AGBL1: variants seen among roughly 807,000 people sequenced by gnomAD.
The protein encoded by AGBL1 is AGBL carboxypeptidase 1, also known as cytosolic carboxypeptidase 4.
Under a neutral mutation model 118.9 loss-of-function variants are expected in AGBL1, and 130 were observed. The observed-to-expected ratio is 1.09, with a 90% CI of 0.95 to 1.26. The LOEUF (loss-of-function observed/expected upper bound fraction) is 1.26, where lower values mean the gene tolerates loss of function less well. AGBL1 is among the 50% of genes most tolerant of loss of function. The pLI, the probability that AGBL1 is intolerant of heterozygous loss-of-function variation, is 0.00. For synonymous variants in AGBL1, 555 were observed against 478.9 expected, an observed-to-expected ratio of 1.16 and a Z score of -2.08; for missense variants, 1,584 against 1,298.1, an observed-to-expected ratio of 1.22 and a Z score of -3.38.
At chr15:86,767,039 A>G (rs1368674572) in intron 22 of AGBL1, among the ~76,000 whole-genome samples, 1 of 152,050 alleles carries the variant, frequency 6.6e-6, no homozygotes, top group Non-Finnish European at 1.5e-5. Flanking sequence ...AATAGTAATC[A>G]TGTTTAAGAA....
intron 18 of AGBL1, among the ~76,000 whole-genome samples, chr15:86,491,931 A>G (rs916974263): frequency 2.6e-5 from 4 of 152,044 alleles, no homozygotes; most frequent in Admixed American, 6.6e-5. Flanking sequence ...ATATTTATAA[A>G]AAATGTTATT....
chr15:87,007,849 T>C (rs1022229124), intron 24 of AGBL1, among the ~76,000 whole-genome samples: 10 of 152,318 alleles, frequency 6.6e-5, no homozygotes, highest in Middle Eastern at 6.8e-3. Flanking sequence ...CTATATTAAA[T>C]AGCCTAATGT....
At chr15:86,357,106 C>T (rs975076689) in intron 17 of AGBL1, among the ~76,000 whole-genome samples, 1 of 152,086 alleles carries the variant, frequency 6.6e-6, no homozygotes, top group African/African-American at 2.4e-5. Context: ...CTAAGTAACT[C>T]AGTTGGAACA....
At chr15:86,084,543 C>T (rs539407201) in intron 1 of AGBL1, among the ~76,000 whole-genome samples, 1 of 152,270 alleles carries the variant, frequency 6.6e-6, no homozygotes, top group African/African-American at 2.4e-5. Flanking sequence ...AGGTTTTGTT[C>T]CCCTAAAGCC....
In AGBL1 at chr15:86,548,723, A is replaced by G. The variant is rs534086339; in HGVS notation, c.2817+2590A>G. Among the ~76,000 whole-genome samples, 11 of 152,022 alleles carry G rather than the reference A, an allele frequency of 7.2e-5. No individual in the cohort carries two copies. The South Asian group carries it at 2.1e-3, about 29-fold the overall frequency. ...GCCAGAAATTTACAAGGGAGACCTTAGAAATGAGAGAGCCACAGAAAAGCT... is the reference window on the plus strand; with the variant it reads ...GCCAGAAATTTACAAGGGAGACCTTGGAAATGAGAGAGCCACAGAAAAGCT... On this transcript the variant is annotated intron_variant, in intron 20 of 22. Transcript: ENST00000614907.
intron 22 of AGBL1, among the ~76,000 whole-genome samples, chr15:86,864,029 G>T (rs779876700): frequency 4.6e-5 from 7 of 152,166 alleles, no homozygotes; most frequent in Non-Finnish European, 8.8e-5. Context: ...CCACCTGCTT[G>T]TCCCCAGTGA....
chr15:86,141,967 G>T, intron 1 of AGBL1, 37 bp from the exon 2 acceptor site: 1 of 1,542,232 alleles, frequency 6.5e-7, no homozygotes, highest in Non-Finnish European at 8.8e-7. Context: ...CCTTCCTCTT[G>T]CATTCTTAAA....
chr15:86,838,941 TAAAAAA>T (rs386383698), intron 22 of AGBL1, among the ~76,000 whole-genome samples: 2 of 48,004 alleles, frequency 4.2e-5, no homozygotes, highest in South Asian at 1.7e-3. Flanking sequence ...TGAGATCCTG[TAAAAAA>T]AAAAAAAAAA....
intron 19 of AGBL1, among the ~76,000 whole-genome samples, chr15:86,542,419 T>C (rs1033267953): frequency 7.0e-6 from 1 of 143,272 alleles, no homozygotes; most frequent in African/African-American, 2.7e-5. Context: ...CAGGCTGGAG[T>C]GCAATGGCAC....
intron 21 of AGBL1, among the ~76,000 whole-genome samples, chr15:86,650,318 G>A (rs1471046303): frequency 1.3e-5 from 2 of 152,098 alleles, no homozygotes; most frequent in Non-Finnish European, 2.9e-5. Flanking sequence ...TGAAAGTGGT[G>A]TTTCAGCCAT....
chr15:86,220,604 G>A (rs1567135705), intron 5 of AGBL1, among the ~76,000 whole-genome samples: 1 of 152,182 alleles, frequency 6.6e-6, no homozygotes, highest in Admixed American at 6.5e-5. Context: ...TTCTGAAAAG[G>A]AGAGTGGACG....
intron 6 of AGBL1, among the ~76,000 whole-genome samples, chr15:86,240,019 C>A (rs8039091): frequency 0.37 from 56,903 of 151,920 alleles, 11,795 homozygotes; most frequent in African/African-American, 0.55. Context: ...TAAAAGGGAG[C>A]TTTGAGGCTA....
chr15:86,427,766 G>A (rs898087536), intron 18 of AGBL1, among the ~76,000 whole-genome samples: 8 of 152,120 alleles, frequency 5.3e-5, no homozygotes, highest in African/African-American at 1.9e-4. Context: ...CTACTTATTT[G>A]ACTTTAACAC....
At chr15:86,929,206 C>A (rs2080578666) in intron 23 of AGBL1, among the ~76,000 whole-genome samples, 1 of 152,130 alleles carries the variant, frequency 6.6e-6, no homozygotes, top group Non-Finnish European at 1.5e-5. Context: ...TTGAAACATT[C>A]TCTTAATAAG....
intron 21 of AGBL1, among the ~76,000 whole-genome samples, chr15:86,649,978 A>G (rs1487406390): frequency 1.3e-5 from 2 of 152,212 alleles, no homozygotes; most frequent in Non-Finnish European, 2.9e-5. Flanking sequence ...CATATGTCTG[A>G]CAAGCATTAA....
intron 22 of AGBL1, among the ~76,000 whole-genome samples, chr15:86,820,008 CT>C (rs1372979985): frequency 6.6e-6 from 1 of 152,168 alleles, no homozygotes; most frequent in Non-Finnish European, 1.5e-5. Context: ...ACCATCTGAT[CT>C]TTGACAAACC....
chr15:86,924,859 A>C (rs2080514748), intron 23 of AGBL1, among the ~76,000 whole-genome samples: 1 of 152,006 alleles, frequency 6.6e-6, no homozygotes, highest in African/African-American at 2.4e-5. Context: ...GTGGATCACA[A>C]AGTCAGGAGA....
rs1555449552 is a variant in AGBL1 at position 86,215,224 on chromosome 15, CGTGT to C, written c.489-9652_489-9649del. ...GTGTGTGTGTGAGTGTATATGTATG[CGTGT>C]GTGTGTGTGTGTGTGTGTGTGTGTG... On this transcript the variant is annotated intron_variant, in intron 5 of 22. Transcript: ENST00000614907. Among the ~76,000 whole-genome samples the C allele has an allele frequency of 5.1e-3, 580 of 114,464 alleles. 2 individuals are homozygous for C. Among genetic ancestry groups the C allele is most frequent in the Middle Eastern group, 0.011 (2 of 186 alleles). The allele number at this position is 114,464 out of a possible 152,430, so 75.1% of individuals were successfully genotyped here. A position where few individuals can be genotyped will look rare whatever the true frequency, so the allele number is the denominator to read the frequency against.
intron 17 of AGBL1, among the ~76,000 whole-genome samples, chr15:86,318,278 T>A (rs2080047250): frequency 6.6e-6 from 1 of 152,232 alleles, no homozygotes; most frequent in Non-Finnish European, 1.5e-5. Flanking sequence ...ACTATCCATG[T>A]TAACATAAAG....
Sources: allele counts gnomAD v4.1 joint callset (sites outside exome capture counted in the v4.1 genomes callset), GRCh38; gene constraint gnomAD v4.1.1; transcripts MANE v1.5; gene names NCBI Gene and HGNC (gene_info 2026-07-23, HGNC 2026-07-21).